The following TAFA1 variants were observed in gnomAD, a reference collection of about 807,000 sequenced individuals.
TAFA1 encodes the protein TAFA chemokine like family member 1, also known as chemokine-like protein TAFA-1.
In TAFA1, 4 loss-of-function variants were observed where a neutral mutation model predicts 18.5. The observed-to-expected ratio is 0.22, with a 90% CI of 0.11 to 0.49. TAFA1 has a LOEUF of 0.49. Among genes scored for constraint, TAFA1 ranks in the 20% least tolerant of loss-of-function variants. The pLI is 0.98. For synonymous variants in TAFA1, 56 were observed against 55.2 expected (o/e 1.01, Z -0.06); for missense variants, 147 against 169.0 (o/e 0.87, Z 0.72).
chr3:68,221,379 A>G (rs1478121623), intron 2 of TAFA1, among the ~76,000 whole-genome samples: 1 of 152,212 alleles, frequency 6.6e-6, no homozygotes, highest in Non-Finnish European at 1.5e-5. Flanking sequence ...TCTTCCCTAC[A>G]TACAACTCTG....
chr3:68,468,350 A>G (rs1208415918), intron 3 of TAFA1, among the ~76,000 whole-genome samples: 3 of 152,226 alleles, frequency 2.0e-5, no homozygotes, highest in African/African-American at 4.8e-5. Context: ...TGTATGAAGA[A>G]CATACTTTTC....
intron 3 of TAFA1, among the ~76,000 whole-genome samples, chr3:68,532,996 C>T (rs2073212531): frequency 6.6e-6 from 1 of 150,788 alleles, no homozygotes. Context: ...CACCAGTCAC[C>T]ATAGGACTGT....
Position 68,262,340 on chromosome 3 carries a change from TATATATATA to T in TAFA1, c.119-154939_119-154931del, listed in dbSNP as rs2067448336. 3.5e-4 allele frequency among the ~76,000 whole-genome samples: 32 copies of T among 92,172 alleles called. 1 individual carries two copies. Among genetic ancestry groups the T allele is most frequent in the African/African-American group, 1.1e-3 (27 of 23,988 alleles). The allele number at this position is 92,172 out of a possible 152,430, so 60.5% of individuals were successfully genotyped here. On this transcript the variant is annotated intron_variant, in intron 2 of 4. Transcript: ENST00000478136. ...ATATATATATATATATATATATATA[TATATATATA>T]TATATATATTTCATGGGTATATTGA...
chr3:68,467,500 A>G (rs144548351), intron 3 of TAFA1, among the ~76,000 whole-genome samples: 184 of 152,270 alleles, frequency 1.2e-3, no homozygotes, highest in African/African-American at 4.1e-3. Flanking sequence ...GGTAAGGAAG[A>G]TTTTATTCAA....
At chr3:68,380,346 G>C (rs371568450) in intron 2 of TAFA1, among the ~76,000 whole-genome samples, 17 of 152,148 alleles carry the variant, frequency 1.1e-4, no homozygotes, top group African/African-American at 3.9e-4. Context: ...TTGGCACACC[G>C]ACTTCCACAA....
chr3:68,035,569 T>A (rs1225289337), intron 2 of TAFA1, among the ~76,000 whole-genome samples: 1 of 152,196 alleles, frequency 6.6e-6, no homozygotes, highest in African/African-American at 2.4e-5. Context: ...CTAACGAGGA[T>A]GTGAAACAAT....
At chr3:68,180,690 T>A (rs748709404) in intron 2 of TAFA1, among the ~76,000 whole-genome samples, 1 of 152,166 alleles carries the variant, frequency 6.6e-6, no homozygotes, top group Non-Finnish European at 1.5e-5. Flanking sequence ...TTTCAGTCAT[T>A]TACAATTCTT....
intron 3 of TAFA1, among the ~76,000 whole-genome samples, chr3:68,530,936 C>T (rs1456187723): frequency 6.6e-6 from 1 of 151,476 alleles, no homozygotes; most frequent in Non-Finnish European, 1.5e-5. Context: ...GACTCAAAAG[C>T]CAATATATTT....
intron 3 of TAFA1, among the ~76,000 whole-genome samples, chr3:68,427,628 G>T (rs1379688111): frequency 6.6e-6 from 1 of 151,664 alleles, no homozygotes; most frequent in East Asian, 1.9e-4. Flanking sequence ...ATCCTCTGAA[G>T]CTCCTTGAAT....
intron 2 of TAFA1, among the ~76,000 whole-genome samples, chr3:68,271,980 T>G (rs1205306028): frequency 1.3e-5 from 2 of 152,196 alleles, no homozygotes; most frequent in Non-Finnish European, 2.9e-5. Context: ...TGATTTGCAC[T>G]GTGTAACTAT....
upstream of TAFA1, among the ~76,000 whole-genome samples, chr3:67,999,909 C>A (rs927320649): frequency 1.3e-5 from 2 of 151,882 alleles, no homozygotes; most frequent in Admixed American, 1.3e-4. Flanking sequence ...CTGTTTCAGC[C>A]TCCTGAGTAG....
intron 2 of TAFA1, among the ~76,000 whole-genome samples, chr3:68,063,496 G>A (rs541661520): frequency 6.6e-6 from 1 of 152,098 alleles, no homozygotes; most frequent in Non-Finnish European, 1.5e-5. Context: ...TTTTTAAAAG[G>A]TTACATTTCA....
At chr3:68,052,046 T>A (rs781514614) in intron 2 of TAFA1, among the ~76,000 whole-genome samples, 2 of 152,170 alleles carry the variant, frequency 1.3e-5, no homozygotes, top group Non-Finnish European at 2.9e-5. Context: ...GGTGTCTCTG[T>A]CAATGAAAAG....
chr3:68,506,675 T>C (rs1191790596), intron 3 of TAFA1, among the ~76,000 whole-genome samples: 1 of 152,138 alleles, frequency 6.6e-6, no homozygotes, highest in Admixed American at 6.6e-5. Context: ...TGCTCTAGCA[T>C]TGAGAAAATG....
At chr3:68,323,573 A>G (rs1042020100) in intron 2 of TAFA1, among the ~76,000 whole-genome samples, 1 of 152,234 alleles carries the variant, frequency 6.6e-6, no homozygotes, top group Non-Finnish European at 1.5e-5. Flanking sequence ...AGCCTTCAAA[A>G]TTATGATTTT....
chr3:68,393,184 A>C (rs971643539), intron 2 of TAFA1, among the ~76,000 whole-genome samples: 1 of 152,180 alleles, frequency 6.6e-6, no homozygotes, highest in African/African-American at 2.4e-5. Flanking sequence ...ATCACCACCG[A>C]TCCCACAGAA....
chr3:68,271,581 G>A lies in TAFA1; in HGVS notation c.119-145699G>A, dbSNP rs571170433. Among the ~76,000 whole-genome samples, 3 of 152,210 alleles carry A rather than the reference G, an allele frequency of 2.0e-5. No individual in the cohort carries two copies. The East Asian group carries it at 5.8e-4, about 29-fold the overall frequency. On this transcript the variant is annotated intron_variant, in intron 2 of 4. Transcript: ENST00000478136. Reference sequence around the variant, plus strand: ...ATGACACGTTCCTTATAGAAACTTGGACAAGAGATAGAGAGTCCCAGGTTT... The same window carrying A: ...ATGACACGTTCCTTATAGAAACTTGAACAAGAGATAGAGAGTCCCAGGTTT...
intron 2 of TAFA1, among the ~76,000 whole-genome samples, chr3:68,322,303 A>C (rs1198412407): frequency 6.6e-6 from 1 of 152,256 alleles, no homozygotes; most frequent in Non-Finnish European, 1.5e-5. Context: ...ATCCTTAAGT[A>C]AAATTAATGC....
chr3:68,377,845 C>A (rs1254294473), intron 2 of TAFA1, among the ~76,000 whole-genome samples: 1 of 152,186 alleles, frequency 6.6e-6, no homozygotes. Context: ...CCAGCTCCAG[C>A]CATGGCTAAA....
Sources: allele counts gnomAD v4.1 joint callset (sites outside exome capture counted in the v4.1 genomes callset), GRCh38; gene constraint gnomAD v4.1.1; transcripts MANE v1.5; gene names NCBI Gene and HGNC (gene_info 2026-07-23, HGNC 2026-07-21).